Variants in BNC2 observed in about 807,000 individuals in gnomAD.
BNC2 encodes the protein basonuclin zinc finger protein 2, also known as zinc finger protein basonuclin-2.
In BNC2, 20 loss-of-function variants were observed where a neutral mutation model predicts 76.3. The ratio of observed to expected loss-of-function variants is 0.26; its 90% confidence interval spans 0.18 to 0.38. BNC2 has a LOEUF of 0.38. Ranked by LOEUF, BNC2 falls within the 10% of genes least tolerant of loss-of-function variation. BNC2 has a pLI of 1.00. For synonymous variants in BNC2, 582 were observed against 514.8 expected (o/e 1.13, Z -1.77); for missense variants, 1,382 against 1,399.8 (o/e 0.99, Z 0.20).
At chr9:16,782,003 T>C (rs1159791065) in intron 1 of BNC2, among the ~76,000 whole-genome samples, 1 of 152,114 alleles carries the variant, frequency 6.6e-6, no homozygotes, top group African/African-American at 2.4e-5. Context: ...TAATTTTGTA[T>C]AGGCTGGGCG....
At chr9:16,479,260 AAAAG>A (rs1490102837) in intron 5 of BNC2, among the ~76,000 whole-genome samples, 23 of 149,528 alleles carry the variant, frequency 1.5e-4, no homozygotes, top group Admixed American at 2.7e-4. Flanking sequence ...AAAAAAAAAA[AAAAG>A]AAAAGAAAAG....
chr9:16,463,358 G>A (rs200599165), intron 5 of BNC2, among the ~76,000 whole-genome samples: 1 of 137,846 alleles, frequency 7.3e-6, no homozygotes, highest in Non-Finnish European at 1.5e-5. Flanking sequence ...GTGCAGTGGC[G>A]GGATCTCGGC....
chr9:16,436,374 G>A lies in BNC2; in HGVS notation c.1820C>T (p.Pro607Leu), dbSNP rs1821014586. The A allele has an allele frequency of 1.2e-5, 19 of 1,614,012 alleles. No homozygotes were observed. Among genetic ancestry groups the A allele is most frequent in the Non-Finnish European group, 1.5e-5 (18 of 1,180,048 alleles). Reference protein sequence around the residue: ...TSGTIEQHPPPPSEPVVPAVM... With the variant: ...TSGTIEQHPPLPSEPVVPAVM... ...TGCTGGCACTACTGGCTCAGAGGGT[G>A]GCGGGGGGTGCTGCTCTATGGTACC... Residue 607 changes from proline to leucine, a missense_variant, in exon 6 of 7, where the codon CCA (proline) becomes CTA (leucine). Around this residue, in one of 3 missense-constraint regions of BNC2, gnomAD observed 798 missense variants for 775.5 expected, o/e 1.03. Transcript: ENST00000380672.
At position 16,850,737 on chromosome 9, in the gene BNC2, G is replaced by A. The variant is rs546938493; in HGVS notation, c.3+19909C>T. On this transcript the variant is annotated intron_variant, in intron 1 of 6. Transcript: ENST00000380672. ...CGCTTAAGTCCAAGAGTTCAAGGCT[G>A]CAGTGAGTTATTATTGCATCACTGC... 6.6e-5 allele frequency among the ~76,000 whole-genome samples: 10 copies of A among 152,154 alleles called. No individual in the cohort carries two copies. The South Asian group carries it at 2.1e-3, about 32-fold the overall frequency.
chr9:16,856,845 A>G (rs1175921491), intron 1 of BNC2, among the ~76,000 whole-genome samples: 1 of 152,190 alleles, frequency 6.6e-6, no homozygotes, highest in Non-Finnish European at 1.5e-5. Flanking sequence ...GATAGAATGA[A>G]CTTCTCCAAT....
rs1179139423 is a variant in BNC2 at position 16,550,483 on chromosome 9, G to A, written c.669+2047C>T. Reference sequence around the variant, plus strand: ...ACTAACATCTAAATAATTATTTCAAGTAAAATAAAAAACAGGCACTGGCCA... The same window carrying A: ...ACTAACATCTAAATAATTATTTCAAATAAAATAAAAAACAGGCACTGGCCA... On this transcript the variant is annotated intron_variant, in intron 5 of 6. Transcript: ENST00000380672. Among the ~76,000 whole-genome samples, 10 of 152,266 alleles carry A rather than the reference G, an allele frequency of 6.6e-5. No homozygotes were observed. In the East Asian group the frequency reaches 1.9e-3, roughly 29 times the overall value.
At chr9:16,732,981 G>T (rs1158397319) in intron 2 of BNC2, among the ~76,000 whole-genome samples, 2 of 152,124 alleles carry the variant, frequency 1.3e-5, no homozygotes, top group African/African-American at 4.8e-5. Context: ...TAATTCTACA[G>T]CAACATGTAA....
At chr9:16,868,502 GCA>G (rs1202678973) in intron 1 of BNC2, among the ~76,000 whole-genome samples, 4 of 152,096 alleles carry the variant, frequency 2.6e-5, no homozygotes, top group African/African-American at 4.8e-5. Context: ...AAAATATAAT[GCA>G]CAGTTTATTC....
chr9:16,547,871 C>G (rs559799585), intron 5 of BNC2, among the ~76,000 whole-genome samples: 2 of 152,272 alleles, frequency 1.3e-5, no homozygotes, highest in African/African-American at 4.8e-5. Flanking sequence ...CCCTAGACCT[C>G]CTCAGAGCCT....
chr9:16,549,014 G>T (rs745881212), intron 5 of BNC2, among the ~76,000 whole-genome samples: 5 of 152,288 alleles, frequency 3.3e-5, no homozygotes, highest in African/African-American at 1.2e-4. Flanking sequence ...ATCCTTGACC[G>T]ATGTGCCAGC....
intron 1 of BNC2, among the ~76,000 whole-genome samples, chr9:16,781,042 T>A (rs975637674): frequency 1.3e-5 from 2 of 152,072 alleles, no homozygotes; most frequent in African/African-American, 4.8e-5. Flanking sequence ...TATCTCCAGA[T>A]AAAACGCTTT....
intron 3 of BNC2, among the ~76,000 whole-genome samples, chr9:16,584,017 G>A (rs1225386500): frequency 6.6e-6 from 1 of 152,092 alleles, no homozygotes; most frequent in Non-Finnish European, 1.5e-5. Context: ...CTAAGCTCCC[G>A]GACTACAGTT....
intron 2 of BNC2, among the ~76,000 whole-genome samples, chr9:16,736,864 C>T (rs566736239): frequency 2.6e-5 from 4 of 151,024 alleles, no homozygotes; most frequent in Non-Finnish European, 5.9e-5. Context: ...TGGAGTGCAA[C>T]GGCACCATCT....
At chr9:16,635,140 C>T (rs1305816829) in intron 3 of BNC2, among the ~76,000 whole-genome samples, 8 of 152,280 alleles carry the variant, frequency 5.3e-5, no homozygotes, top group Non-Finnish European at 8.8e-5. Context: ...TTTGTCTGTT[C>T]AGGTATTTAG....
intron 5 of BNC2, among the ~76,000 whole-genome samples, chr9:16,495,245 A>G (rs1482300945): frequency 2.0e-5 from 3 of 152,230 alleles, no homozygotes; most frequent in South Asian, 4.1e-4. Flanking sequence ...TCTTGGCCTA[A>G]CATGAGAGAG....
At chr9:16,788,082 TG>T (rs1826346636) in intron 1 of BNC2, among the ~76,000 whole-genome samples, 2 of 152,178 alleles carry the variant, frequency 1.3e-5, no homozygotes, top group African/African-American at 4.8e-5. Context: ...GTGGAAAGGA[TG>T]TCCAGGATCT....
intron 4 of BNC2, among the ~76,000 whole-genome samples, chr9:16,558,951 A>G (rs903366066): frequency 1.3e-5 from 2 of 151,584 alleles, no homozygotes; most frequent in South Asian, 2.1e-4. Context: ...AAAAAAAAAA[A>G]GTAATTTCAA....
At chr9:16,480,913 C>T (rs7869173) in intron 5 of BNC2, among the ~76,000 whole-genome samples, 19,426 of 152,238 alleles carry the variant, frequency 0.13, 1,901 homozygotes, top group African/African-American at 0.27. Flanking sequence ...ACGGGACTGG[C>T]AGGCAGCTCC....
At chr9:16,479,075 A>G (rs1335526819) in intron 5 of BNC2, among the ~76,000 whole-genome samples, 1 of 152,146 alleles carries the variant, frequency 6.6e-6, no homozygotes, top group African/African-American at 2.4e-5. Flanking sequence ...AACATGGTGA[A>G]ACCCTGTCTC....
Sources: allele counts gnomAD v4.1 joint callset (sites outside exome capture counted in the v4.1 genomes callset), GRCh38; gene constraint gnomAD v4.1.1; regional missense constraint gnomAD v4.1.1; transcripts MANE v1.5; gene names NCBI Gene and HGNC (gene_info 2026-07-23, HGNC 2026-07-21).